ROCK1: variants seen among roughly 807,000 people sequenced by gnomAD.
ROCK1 encodes the protein rho-associated protein kinase 1.
In ROCK1, 36 loss-of-function variants were observed where a neutral mutation model predicts 196.8. The observed-to-expected ratio is 0.18, with a 90% CI of 0.14 to 0.24. The LOEUF (loss-of-function observed/expected upper bound fraction) is 0.24. Among genes scored for constraint, ROCK1 ranks in the 10% least tolerant of loss-of-function variants. ROCK1 has a pLI of 1.00. For synonymous variants in ROCK1, 443 were observed against 515.9 expected, an observed-to-expected ratio of 0.86 and a Z score of 1.91; for missense variants, 920 against 1,562.0, an observed-to-expected ratio of 0.59 and a Z score of 6.93.
chr18:21,051,893 T>C (rs1382947475), intron 2 of ROCK1, among the ~76,000 whole-genome samples: 2 of 152,102 alleles, frequency 1.3e-5, no homozygotes, highest in South Asian at 2.1e-4. Context: ...TAAAACAACA[T>C]AGTCAAACTT....
At chr18:21,015,574 G>T in intron 12 of ROCK1, 95 bp from the exon 13 acceptor site, 1 of 779,302 alleles carries the variant, frequency 1.3e-6, no homozygotes, top group South Asian at 1.6e-5. Context: ...CTTAACTAGA[G>T]TTTTGTATCC....
chr18:21,022,202 C>T (rs1598531766), intron 11 of ROCK1, among the ~76,000 whole-genome samples: 1 of 152,168 alleles, frequency 6.6e-6, no homozygotes, highest in East Asian at 1.9e-4. Flanking sequence ...TCAAAGAATG[C>T]TCTAGGAATG....
At chr18:20,974,840 C>T (rs2035464792) in intron 22 of ROCK1, among the ~76,000 whole-genome samples, 1 of 152,204 alleles carries the variant, frequency 6.6e-6, no homozygotes. Context: ...GCTGTTCCTA[C>T]TCTGATCTCC....
chr18:21,048,091 C>G (rs911469529), intron 4 of ROCK1, among the ~76,000 whole-genome samples: 1 of 152,114 alleles, frequency 6.6e-6, no homozygotes, highest in African/African-American at 2.4e-5. Flanking sequence ...ATGATTTTGC[C>G]TAAGGTACCT....
At chr18:21,092,759 T>A (rs561787907) in intron 1 of ROCK1, among the ~76,000 whole-genome samples, 9 of 152,216 alleles carry the variant, frequency 5.9e-5, no homozygotes, top group African/African-American at 2.2e-4. Context: ...CTGTGATGAA[T>A]CACAAGAATC....
At chr18:21,040,759 G>C (rs1185122586) in intron 8 of ROCK1, among the ~76,000 whole-genome samples, 1 of 152,166 alleles carries the variant, frequency 6.6e-6, no homozygotes, top group Admixed American at 6.5e-5. Context: ...TTTGAGAAAA[G>C]TGGCTCTGTA....
chr18:20,980,752 T>C (rs1438256493), intron 21 of ROCK1, among the ~76,000 whole-genome samples: 3 of 151,656 alleles, frequency 2.0e-5, no homozygotes, highest in African/African-American at 7.3e-5. Context: ...TCGTTTCTAC[T>C]AAAAATACAA....
rs1327124224 is a variant in ROCK1, at chr18:20,950,236, T to G, written c.*1148A>C. The G allele has an allele frequency of 6.6e-6, 1 of 152,424 alleles. No homozygotes were observed. The highest frequency in any genetic ancestry group is 2.4e-5 in the African/African-American group (1 of 41,466). 9.4% of individuals were successfully genotyped at this position (152,424 alleles called of 1,614,324 possible). On this transcript the variant is annotated 3_prime_UTR_variant, in exon 33 of 33. Coordinates refer to ENST00000399799, the MANE Select transcript of ROCK1 (RefSeq NM_005406.3). Reference sequence around the variant, plus strand: ...ATTTCCTTTTTATGTTGGTGCAACCTTCTACATTTTTTGCAGTTTTATAAA... The same window carrying G: ...ATTTCCTTTTTATGTTGGTGCAACCGTCTACATTTTTTGCAGTTTTATAAA...
chr18:20,977,987 G>T (rs575609878), intron 22 of ROCK1, among the ~76,000 whole-genome samples: 1 of 152,246 alleles, frequency 6.6e-6, no homozygotes, highest in African/African-American at 2.4e-5. Context: ...GTTTATACCC[G>T]CTGTGATGCT....
intron 1 of ROCK1, 60 bp downstream of exon 1, chr18:21,110,758 G>T: frequency 7.5e-7 from 1 of 1,335,400 alleles, no homozygotes; most frequent in Non-Finnish European, 1.1e-6. Context: ...CCAGACTAAT[G>T]CAAGAGGAAG....
intron 1 of ROCK1, among the ~76,000 whole-genome samples, chr18:21,096,992 A>G (rs560001540): frequency 1.3e-5 from 2 of 152,300 alleles, no homozygotes; most frequent in East Asian, 3.9e-4. Context: ...GACTATAAAG[A>G]TGAGAAAATT....
rs1296768845 is a variant in ROCK1, at chr18:20,959,069, T to TAATA, written c.3512+770_3512+771insTATT. On this transcript the variant is annotated intron_variant, in intron 29 of 32. Coordinates refer to ENST00000399799, the MANE Select transcript of ROCK1 (RefSeq NM_005406.3). Reference sequence around the variant, plus strand: ...TATAATATATATATTATATTTTATATTATATAATATATATATTTTATATAA... The same window carrying TAATA: ...TATAATATATATATTATATTTTATATAATATATATAATATATATATTTTATATAA... Among the ~76,000 whole-genome samples the TAATA allele has an allele frequency of 9.2e-3, 409 of 44,672 alleles. 50 individuals are homozygous for TAATA. The highest frequency in any genetic ancestry group is 0.068 in the African/African-American group (400 of 5,924). 29.3% of individuals were successfully genotyped at this position (44,672 alleles called of 152,430 possible). A position where few individuals can be genotyped will look rare whatever the true frequency, so the allele number is the denominator to read the frequency against.
chr18:21,103,053 C>T (rs1457211786), intron 1 of ROCK1, among the ~76,000 whole-genome samples: 1 of 152,094 alleles, frequency 6.6e-6, no homozygotes, highest in Non-Finnish European at 1.5e-5. Flanking sequence ...TGAACATCTA[C>T]CTTCCTATTA....
intron 19 of ROCK1, among the ~76,000 whole-genome samples, chr18:20,986,403 CT>C (rs2035578614): frequency 6.6e-6 from 1 of 152,166 alleles, no homozygotes; most frequent in Non-Finnish European, 1.5e-5. Context: ...CTTACTCAAC[CT>C]TTAAAATCTA....
chr18:21,071,039 C>T (rs2036379890), intron 1 of ROCK1, among the ~76,000 whole-genome samples: 1 of 152,062 alleles, frequency 6.6e-6, no homozygotes, highest in South Asian at 2.1e-4. Flanking sequence ...AAAATAAATA[C>T]TGCATAATCA....
At chr18:21,088,355 G>A (rs2036543780) in intron 1 of ROCK1, among the ~76,000 whole-genome samples, 1 of 152,096 alleles carries the variant, frequency 6.6e-6, no homozygotes, top group Non-Finnish European at 1.5e-5. Flanking sequence ...AATTAGCGGG[G>A]CATCGAGGCA....
intron 16 of ROCK1, among the ~76,000 whole-genome samples, chr18:20,994,523 G>A (rs971690167): frequency 9.9e-5 from 15 of 152,120 alleles, no homozygotes; most frequent in African/African-American, 3.6e-4. Flanking sequence ...AGCTACTTGG[G>A]AGACTGAGGT....
At chr18:21,033,938 G>A (rs2036033948) in intron 9 of ROCK1, among the ~76,000 whole-genome samples, 1 of 145,188 alleles carries the variant, frequency 6.9e-6, no homozygotes, top group Non-Finnish European at 1.5e-5. Context: ...GGAGGCTGAG[G>A]CAGGAGAATG....
chr18:21,082,590 TCATTA>T (rs1206861013), intron 1 of ROCK1, among the ~76,000 whole-genome samples: 1 of 152,104 alleles, frequency 6.6e-6, no homozygotes, highest in Non-Finnish European at 1.5e-5. Flanking sequence ...CCACATCACC[TCATTA>T]GATACAGATA....
Sources: gnomAD v4.1 joint callset for allele counts (sites outside exome capture counted in the v4.1 genomes callset) on GRCh38, gnomAD v4.1.1 for gene constraint, MANE v1.5 for transcripts, NCBI Gene and HGNC (gene_info 2026-07-23, HGNC 2026-07-21) for gene names.